The following DNAJC21 variants were observed in gnomAD, a reference collection of about 807,000 sequenced individuals.
DNAJC21 encodes the protein dnaJ homolog subfamily C member 21.
Under a neutral mutation model 72.4 loss-of-function variants are expected in DNAJC21, and 63 were observed. The observed-to-expected ratio is 0.87, with a 90% CI of 0.71 to 1.07. The LOEUF (loss-of-function observed/expected upper bound fraction) is 1.07, where lower values mean the gene tolerates loss of function less well. Ranked by LOEUF, DNAJC21 falls within the 50% of genes least tolerant of loss-of-function variation. The pLI is 0.00. For missense variants in DNAJC21, 634 were observed against 644.8 expected, an observed-to-expected ratio of 0.98 and a Z score of 0.18; for synonymous variants, 203 against 216.7, an observed-to-expected ratio of 0.94 and a Z score of 0.56.
chr5:34,954,659 C>CT lies in DNAJC21; in HGVS notation c.1544dup (p.Leu515PhefsTer7). 1 of 1,613,176 alleles carries CT rather than the reference C, an allele frequency of 6.2e-7. No individual in the cohort carries two copies. The highest frequency in any genetic ancestry group is 8.5e-7 in the Non-Finnish European group (1 of 1,179,678). ...CATGCAAGAGCACCTTCATCATCGT[C>CT]TTTAAACAGCGCAACAAGTAGTCAA... On this transcript the variant is annotated frameshift_variant, in exon 12 of 12. Transcript: ENST00000648817. LOFTEE classifies it high-confidence loss of function.
intron 10 of DNAJC21, chr5:34,951,106 T>C: frequency 2.0e-6 from 2 of 985,448 alleles, no homozygotes; most frequent in Non-Finnish European, 2.4e-6. Flanking sequence ...CTTCGGAGTT[T>C]AAGGCACTTA....
intron 10 of DNAJC21, chr5:34,953,679 C>A: frequency 2.7e-6 from 1 of 375,172 alleles, no homozygotes; most frequent in Non-Finnish European, 4.8e-6. Flanking sequence ...CTTGTTTTAA[C>A]TTTGTTTCAA....
intron 5 of DNAJC21, among the ~76,000 whole-genome samples, chr5:34,938,018 G>A (rs982838424): frequency 3.2e-4 from 48 of 152,028 alleles, no homozygotes; most frequent in African/African-American, 1.2e-3. Flanking sequence ...GTCTGGTCTC[G>A]TACTCTTGGC....
intron 6 of DNAJC21, among the ~76,000 whole-genome samples, chr5:34,939,489 TCTC>T (rs1202846876): frequency 2.0e-5 from 3 of 152,120 alleles, no homozygotes; most frequent in Non-Finnish European, 4.4e-5. Flanking sequence ...ATGGTCTCGA[TCTC>T]CTGACCTCGT....
chr5:34,941,990 G>A (rs1336803008), intron 7 of DNAJC21, among the ~76,000 whole-genome samples: 2 of 152,042 alleles, frequency 1.3e-5, no homozygotes, highest in Non-Finnish European at 2.9e-5. Flanking sequence ...GGTAGAAAGA[G>A]GTATTTGTAC....
At chr5:34,930,318 C>G (rs1764547027) in intron 1 of DNAJC21, 1 of 156,262 alleles carries the variant, frequency 6.4e-6, no homozygotes. Flanking sequence ...TTTTCCTCCG[C>G]TGCCCTCCAC....
chr5:34,931,038 A>T (rs565694386), intron 1 of DNAJC21, among the ~76,000 whole-genome samples: 183 of 152,308 alleles, frequency 1.2e-3, no homozygotes, highest in Non-Finnish European at 2.1e-3. Context: ...AACAGTATGG[A>T]GGATAGCATG....
intron 1 of DNAJC21, among the ~76,000 whole-genome samples, chr5:34,932,389 C>A (rs1016135905): frequency 2.0e-5 from 3 of 150,486 alleles, no homozygotes; most frequent in Non-Finnish European, 3.0e-5. Flanking sequence ...CCACTGCACT[C>A]CAGCCTGGTG....
intron 10 of DNAJC21, chr5:34,951,229 T>C (rs576184350): frequency 3.0e-6 from 3 of 985,314 alleles, no homozygotes; most frequent in African/African-American, 1.7e-5. Flanking sequence ...TGAAGAACTT[T>C]GGAGAGTTGA....
intron 7 of DNAJC21, 138 bp from the exon 8 acceptor site, chr5:34,944,728 GA>G (rs1396615173): frequency 3.3e-5 from 41 of 1,232,534 alleles, no homozygotes; most frequent in Admixed American, 7.4e-5. Context: ...TAAAAAAAAA[GA>G]AAAAAATAAA....
Position 34,956,736 on chromosome 5 carries a change from G to A in DNAJC21, c.*2022G>A, listed in dbSNP as rs1765548006. ...GTGGAGTTATGTGTCGCTTTTATTC[G>A]GATTGACGAAAATCAACCATAATTT... On this transcript the variant is annotated 3_prime_UTR_variant, in exon 12 of 12. Transcript: ENST00000648817. 2 of 152,142 alleles carry A rather than the reference G, an allele frequency of 1.3e-5. No individual in the cohort carries two copies. The highest frequency in any genetic ancestry group is 1.3e-4 in the Admixed American group (2 of 15,296). The allele number at this position is 152,142 out of a possible 1,614,324, so 9.4% of individuals were successfully genotyped here. A position where few individuals can be genotyped will look rare whatever the true frequency, so the allele number is the denominator to read the frequency against.
At position 34,958,611 on chromosome 5, in the gene DNAJC21, A is replaced by G. The variant is rs564882555; in HGVS notation, c.*3897A>G. ...ACTGTAAAAGAACAAGCTACAGACAAGGAAATGTTTGCAATGCATGGAACT... is the reference window on the plus strand; with the variant it reads ...ACTGTAAAAGAACAAGCTACAGACAGGGAAATGTTTGCAATGCATGGAACT... On this transcript the variant is annotated 3_prime_UTR_variant, in exon 12 of 12. Transcript: ENST00000648817. The G allele has an allele frequency of 2.0e-5, 3 of 152,356 alleles. No individual in the cohort carries two copies. The highest frequency in any genetic ancestry group is 3.9e-4 in the East Asian group (2 of 5,188). 9.4% of individuals were successfully genotyped at this position (152,356 alleles called of 1,614,324 possible).
At chr5:34,933,766 T>G (rs748834916) in intron 1 of DNAJC21, 49 bp from the exon 2 acceptor site, 34 of 1,485,496 alleles carry the variant, frequency 2.3e-5, no homozygotes, top group Admixed American at 3.5e-5. Flanking sequence ...CTTATTTAGA[T>G]TCTGTCCTGT....
rs1268875014 is a variant in DNAJC21 at position 34,938,902 on chromosome 5, A to G, written c.788A>G (p.Asn263Ser). 5 of 1,614,064 alleles carry G rather than the reference A, an allele frequency of 3.1e-6. No homozygotes were observed. The highest frequency in any genetic ancestry group is 3.3e-5 in the Admixed American group (2 of 60,004). Residue 263 changes from asparagine to serine, a missense_variant, in exon 6 of 12, where the codon AAT becomes AGT. Asn to Ser is a conservative substitution (Grantham distance 46). Coordinates refer to ENST00000648817, the MANE Select transcript of DNAJC21 (RefSeq NM_001012339.3). ...GAACAGAGCTGGATGACTATGGCCAATTTGGAGAAAGAGCTCCAGGAGATG... is the reference window on the plus strand; with the variant it reads ...GAACAGAGCTGGATGACTATGGCCAGTTTGGAGAAAGAGCTCCAGGAGATG... ...YREQSWMTMA[N>S]LEKELQEMEA...
At chr5:34,952,129 G>GTGTT in intron 10 of DNAJC21, 5 of 908,384 alleles carry the variant, frequency 5.5e-6, no homozygotes, top group Non-Finnish European at 6.6e-6. Flanking sequence ...AAAAATGTGT[G>GTGTT]TGTGTGTGTG....
At chr5:34,937,736 A>G in intron 5 of DNAJC21, 106 bp downstream of exon 5, 1 of 1,341,752 alleles carries the variant, frequency 7.5e-7, no homozygotes, top group Non-Finnish European at 1.0e-6. Flanking sequence ...GCCTGGCTTT[A>G]TCCTGCTTTT....
chr5:34,951,348 AT>A, intron 10 of DNAJC21: 1 of 985,406 alleles, frequency 1.0e-6, no homozygotes, highest in Non-Finnish European at 1.2e-6. Context: ...GACAAAAGCT[AT>A]TGAGTAGAAA....
In DNAJC21 at chr5:34,957,096, T is replaced by C. The variant is rs762527734; in HGVS notation, c.*2382T>C. On this transcript the variant is annotated 3_prime_UTR_variant, in exon 12 of 12. Transcript: ENST00000648817. ...AGGAATTTGCTTCCTAAGTCTACTTTTGAAGAGGAAAACAGGAACGTACCA... is the reference window on the plus strand; with the variant it reads ...AGGAATTTGCTTCCTAAGTCTACTTCTGAAGAGGAAAACAGGAACGTACCA... The C allele has an allele frequency of 4.6e-5, 7 of 152,226 alleles. No individual in the cohort carries two copies. The highest frequency in any genetic ancestry group is 8.8e-5 in the Non-Finnish European group (6 of 68,050). The allele number at this position is 152,226 out of a possible 1,614,324, so 9.4% of individuals were successfully genotyped here.
At chr5:34,949,528 T>A (rs1469389540) in intron 9 of DNAJC21, 1 of 1,552,460 alleles carries the variant, frequency 6.4e-7, no homozygotes, top group Non-Finnish European at 8.7e-7. Flanking sequence ...TGCCAGAGAA[T>A]GTTTTGATTC....
Sources: gnomAD v4.1 joint callset for allele counts (sites outside exome capture counted in the v4.1 genomes callset) on GRCh38, gnomAD v4.1.1 for gene constraint, MANE v1.5 for transcripts, NCBI Gene and HGNC (gene_info 2026-07-23, HGNC 2026-07-21) for gene names.